The following LCORL variants were observed in gnomAD, a reference collection of about 807,000 sequenced individuals.
LCORL encodes the protein ligand-dependent nuclear receptor corepressor-like protein.
LCORL carries 41 observed loss-of-function variants against 141.8 expected under a neutral mutation model. That is an observed-to-expected ratio of 0.29 (90% CI 0.23 to 0.38). The LOEUF (loss-of-function observed/expected upper bound fraction) is 0.38, where lower values mean the gene tolerates loss of function less well. Ranked by LOEUF, LCORL falls within the 10% of genes least tolerant of loss-of-function variation. The pLI is 1.00. For missense variants in LCORL, 1,759 were observed against 2,035.0 expected (o/e 0.86, Z 2.61); for synonymous variants, 618 against 694.1 (o/e 0.89, Z 1.72).
rs1039308299 is a variant in LCORL, at chr4:17,875,157, A to AAGC, written c.3830_3832dup (p.Cys1277dup). The stretch of plus-strand genomic sequence containing the variant: ...CGTATTATCCTGTTCTAAAGGAGGC[A>AAGC]AGCAGCTGCTAATACTTACTTCTCT... On this transcript the variant is annotated inframe_insertion, in exon 7 of 8. Coordinates refer to ENST00000635767, the Ensembl canonical transcript of LCORL. The AAGC allele has an allele frequency of 7.3e-6, 9 of 1,232,340 alleles. No homozygotes were observed. In the African/African-American group the frequency reaches 1.4e-4, roughly 19 times the overall value. The allele number at this position is 1,232,340 out of a possible 1,614,324, so 76.3% of individuals were successfully genotyped here.
At chr4:17,865,851 A>C (rs1298058676) in intron 7 of LCORL, among the ~76,000 whole-genome samples, 1 of 152,178 alleles carries the variant, frequency 6.6e-6, no homozygotes, top group Admixed American at 6.5e-5. Context: ...TGTGAATCAC[A>C]ATGGTCTAAG....
intron 7 of LCORL, among the ~76,000 whole-genome samples, chr4:17,868,968 C>T (rs904191738): frequency 6.6e-6 from 1 of 151,876 alleles, no homozygotes; most frequent in Admixed American, 6.6e-5. Context: ...TCTTGATTCA[C>T]AGAAAATGGA....
intron 7 of LCORL, among the ~76,000 whole-genome samples, chr4:17,852,492 T>C (rs1264263420): frequency 6.6e-6 from 1 of 151,000 alleles, no homozygotes; most frequent in Non-Finnish European, 1.5e-5. Flanking sequence ...TGGAGCTCTA[T>C]ACAAATACAA....
chr4:17,906,577 C>T (rs1000834182), intron 5 of LCORL, among the ~76,000 whole-genome samples: 2 of 151,962 alleles, frequency 1.3e-5, no homozygotes, highest in African/African-American at 2.4e-5. Context: ...TAGACTATTA[C>T]AATAATTTAA....
Position 17,884,472 on chromosome 4 carries a change from C to T in LCORL, c.776+1596G>A, listed in dbSNP as rs557363110. ...TCTGTGCGCTCTGCTTGAGCTCTTG[C>T]CCACAAGGCTACTTTTTGCAGCACT... On this transcript the variant is annotated intron_variant, in intron 6 of 7. Coordinates refer to ENST00000635767, the Ensembl canonical transcript of LCORL. This position sits in a 1 kb window ranked among gnomAD's most constrained non-coding sequence, Gnocchi z 4.4. 6.5e-7 allele frequency: 1 copy of T among 1,549,108 alleles called. No homozygotes were observed. The highest frequency in any genetic ancestry group is 2.4e-5 in the East Asian group (1 of 40,890).
chr4:17,976,859 T>C (rs1465349556), intron 1 of LCORL, among the ~76,000 whole-genome samples: 1 of 152,174 alleles, frequency 6.6e-6, no homozygotes, highest in Non-Finnish European at 1.5e-5. Flanking sequence ...TACTTCGTAA[T>C]GTGCCTTTTT....
intron 4 of LCORL, among the ~76,000 whole-genome samples, chr4:17,930,237 G>C (rs1735790226): frequency 6.6e-6 from 1 of 152,198 alleles, no homozygotes; most frequent in Non-Finnish European, 1.5e-5. Context: ...GGAAGTGGTA[G>C]AATGCCTGTA....
At chr4:17,844,226 G>A (rs2109080309) in exon 8 of LCORL, 1 of 152,420 alleles carries the variant, frequency 6.6e-6, no homozygotes, top group South Asian at 2.1e-4. Context: ...ACTATTCACT[G>A]TCAATTTCAT....
At chr4:17,918,475 G>A (rs1049565677) in intron 4 of LCORL, among the ~76,000 whole-genome samples, 9 of 152,136 alleles carry the variant, frequency 5.9e-5, no homozygotes, top group African/African-American at 2.2e-4. Context: ...ACTAAAGTAT[G>A]AGGAGAATAT....
At chr4:17,906,332 T>C (rs1287143606) in intron 5 of LCORL, among the ~76,000 whole-genome samples, 2 of 152,150 alleles carry the variant, frequency 1.3e-5, no homozygotes, top group African/African-American at 4.8e-5. Flanking sequence ...CTAAGAAAAG[T>C]CAAAATTTGG....
chr4:18,010,543 G>C (rs181781575), intron 1 of LCORL, among the ~76,000 whole-genome samples: 1 of 151,922 alleles, frequency 6.6e-6, no homozygotes, highest in Non-Finnish European at 1.5e-5. Flanking sequence ...TCCGCCTCCC[G>C]GGTTCAAGCG....
intron 5 of LCORL, among the ~76,000 whole-genome samples, chr4:17,908,518 C>G (rs537219718): frequency 1.3e-5 from 2 of 152,280 alleles, no homozygotes; most frequent in East Asian, 1.9e-4. Flanking sequence ...ACTTAAAAGG[C>G]TCTTCTTCTT....
At chr4:17,966,538 CA>C (rs1714911871) in intron 2 of LCORL, among the ~76,000 whole-genome samples, 1 of 152,044 alleles carries the variant, frequency 6.6e-6, no homozygotes, top group Non-Finnish European at 1.5e-5. Context: ...AGCACCAACC[CA>C]GATGATTTCC....
intron 4 of LCORL, among the ~76,000 whole-genome samples, chr4:17,913,182 T>C (rs1732854542): frequency 6.6e-6 from 1 of 152,226 alleles, no homozygotes; most frequent in African/African-American, 2.4e-5. Context: ...ACAACAGGAA[T>C]GACAGTCAAC....
chr4:17,924,326 C>T lies in LCORL; in HGVS notation c.431-14981G>A, dbSNP rs370647338. On this transcript the variant is annotated intron_variant, in intron 4 of 7. Transcript: ENST00000635767. ...CCCATGTCATCGCCCAATGGGCCCACGAACAAAGTGACCATGGTGGCAGGG... is the reference window on the plus strand; with the variant it reads ...CCCATGTCATCGCCCAATGGGCCCATGAACAAAGTGACCATGGTGGCAGGG... Among the ~76,000 whole-genome samples, 17 of 152,162 alleles carry T rather than the reference C, an allele frequency of 1.1e-4. No homozygotes were observed. In the East Asian group the frequency reaches 1.4e-3, roughly 12 times the overall value.
chr4:18,003,529 T>G (rs940446075), intron 1 of LCORL, among the ~76,000 whole-genome samples: 2 of 152,160 alleles, frequency 1.3e-5, no homozygotes, highest in Admixed American at 1.3e-4. Flanking sequence ...TGTTACATAT[T>G]AGGTTGGTGC....
At chr4:17,998,985 A>AAAAATATATATAT (rs1374815646) in intron 1 of LCORL, among the ~76,000 whole-genome samples, 4 of 57,896 alleles carry the variant, frequency 6.9e-5, no homozygotes, top group South Asian at 7.5e-4. Flanking sequence ...AAAAAAAAAA[A>AAAAATATATATAT]ATATATATAT....
intron 4 of LCORL, among the ~76,000 whole-genome samples, chr4:17,913,621 C>G (rs1732914743): frequency 1.3e-5 from 2 of 152,120 alleles, no homozygotes; most frequent in South Asian, 4.1e-4. Context: ...AGAAAAATGC[C>G]CAGGAAAGCT....
chr4:18,011,599 A>G (rs1723801139), intron 1 of LCORL, among the ~76,000 whole-genome samples: 1 of 152,204 alleles, frequency 6.6e-6, no homozygotes, highest in South Asian at 2.1e-4. Context: ...TGCTTATACT[A>G]TCTCTGCCCA....
Sources: allele counts gnomAD v4.1 joint callset (sites outside exome capture counted in the v4.1 genomes callset), GRCh38; gene constraint gnomAD v4.1.1; non-coding constraint Gnocchi (gnomAD v3.1); transcripts MANE v1.5; gene names NCBI Gene and HGNC (gene_info 2026-07-23, HGNC 2026-07-21).